Variants in BRI3BP observed in about 807,000 individuals in gnomAD.
BRI3BP encodes BRI3-binding protein.
Under a neutral mutation model 15.8 loss-of-function variants are expected in BRI3BP, and 7 were observed. The ratio of observed to expected loss-of-function variants is 0.44; its 90% CI spans 0.25 to 0.83. The LOEUF is 0.83. Among genes scored for constraint, BRI3BP ranks in the 40% least tolerant of loss-of-function variants. The pLI is 0.20. For missense variants in BRI3BP, 320 were observed against 339.3 expected, an observed-to-expected ratio of 0.94 and a Z score of 0.45; for synonymous variants, 192 against 163.5, an observed-to-expected ratio of 1.17 and a Z score of -1.33.
chr12:125,025,618 T>C lies in BRI3BP; in HGVS notation c.*188T>C, dbSNP rs1374440676. ...CATTCCCAGAAGAGCGGAAAGATCA[T>C]TGACGTGGAACTACACACGAAGTGT... On this transcript the variant is annotated 3_prime_UTR_variant, in exon 3 of 3. Transcript: ENST00000341446. 3.3e-6 allele frequency: 2 copies of C among 602,978 alleles called. No individual in the cohort carries two copies. 37.4% of individuals were successfully genotyped at this position (602,978 alleles called of 1,614,324 possible).
chr12:125,016,150 G>C (rs887967777), intron 2 of BRI3BP, among the ~76,000 whole-genome samples: 10 of 152,182 alleles, frequency 6.6e-5, no homozygotes, highest in Non-Finnish European at 1.3e-4. Flanking sequence ...GCGCGTTCTG[G>C]AGGCGAAACG....
chr12:125,034,693 A>C (rs1162031641), downstream of BRI3BP, among the ~76,000 whole-genome samples: 1 of 151,738 alleles, frequency 6.6e-6, no homozygotes, highest in East Asian at 2.0e-4. Flanking sequence ...AGTTTCAAGC[A>C]ATTCTCCTGC....
chr12:125,003,085 G>T (rs1250585461), intron 1 of BRI3BP, among the ~76,000 whole-genome samples: 1 of 152,216 alleles, frequency 6.6e-6, no homozygotes, highest in African/African-American at 2.4e-5. Flanking sequence ...TTCTTCAGAT[G>T]CTTGGGAAAC....
At chr12:125,038,224 C>T in the BRI3BP span, among the ~76,000 whole-genome samples, 24 of 150,216 alleles carry the variant, frequency 1.6e-4, no homozygotes, top group Admixed American at 1.3e-3. Context: ...TTGCAGTGAG[C>T]CAAGGTTGTG....
At chr12:125,049,229 A>G in the BRI3BP span, among the ~76,000 whole-genome samples, 1 of 152,150 alleles carries the variant, frequency 6.6e-6, no homozygotes, top group Non-Finnish European at 1.5e-5. Flanking sequence ...AAGAGAGCCC[A>G]GATTTAACTC....
chr12:124,993,656 A>AGCG lies in BRI3BP; in HGVS notation c.-123_-121dup, dbSNP rs1323528753. 12 of 352,018 alleles carry AGCG rather than the reference A, an allele frequency of 3.4e-5. No individual in the cohort carries two copies. The East Asian group carries it at 5.1e-4, about 15-fold the overall frequency. 21.8% of individuals were successfully genotyped at this position (352,018 alleles called of 1,614,324 possible). A position where few individuals can be genotyped will look rare whatever the true frequency, so the allele number is the denominator to read the frequency against. Reference sequence around the variant, plus strand: ...CGCGGGGCGGGGCAGGTGGCGCAGCAGCGGCGGCGGCGGCTGTGGGTAAAG... The same window carrying AGCG: ...CGCGGGGCGGGGCAGGTGGCGCAGCAGCGGCGGCGGCGGCGGCTGTGGGTAAAG... On this transcript the variant is annotated 5_prime_UTR_variant, in exon 1 of 3. Coordinates refer to ENST00000341446, the MANE Select transcript of BRI3BP (RefSeq NM_080626.6).
rs77464513 is a variant in BRI3BP, at chr12:125,017,591, C to T, written c.316+4955C>T. On this transcript the variant is annotated intron_variant, in intron 2 of 2. Transcript: ENST00000341446. ...GACAGTCTCTATTTGACACTTAGAG[C>T]GCACATCAGTTCTGACTTGTCACAT... Among the ~76,000 whole-genome samples, 134 of 152,256 alleles carry T rather than the reference C, an allele frequency of 8.8e-4. 1 individual carries two copies. The East Asian group carries it at 0.022, about 25-fold the overall frequency.
At chr12:124,996,484 C>T (rs1047625285) in intron 1 of BRI3BP, among the ~76,000 whole-genome samples, 2 of 151,642 alleles carry the variant, frequency 1.3e-5, no homozygotes, top group African/African-American at 2.4e-5. Context: ...CCACCACATC[C>T]GGCTAATTTT....
chr12:125,004,823 C>CT (rs1388457890), intron 1 of BRI3BP, among the ~76,000 whole-genome samples: 1 of 152,066 alleles, frequency 6.6e-6, no homozygotes, highest in Non-Finnish European at 1.5e-5. Flanking sequence ...TTTTGATGAC[C>CT]TTGACAGTTT....
chr12:125,014,762 C>T (rs1955228148), intron 2 of BRI3BP, among the ~76,000 whole-genome samples: 1 of 152,190 alleles, frequency 6.6e-6, no homozygotes, highest in Non-Finnish European at 1.5e-5. Flanking sequence ...GCACCTGGCA[C>T]AAAGAGGCCC....
intron 2 of BRI3BP, among the ~76,000 whole-genome samples, chr12:125,018,379 T>C (rs1254787828): frequency 1.3e-5 from 2 of 152,146 alleles, no homozygotes; most frequent in Non-Finnish European, 2.9e-5. Context: ...TGGGTGTCAT[T>C]TGTTAAGATG....
In BRI3BP at chr12:125,029,360, C is replaced by CAAAAAAAAAAAAAAAAAA. The variant is rs10572574; in HGVS notation, c.*3936_*3953dup. 2 of 78,688 alleles carry CAAAAAAAAAAAAAAAAAA rather than the reference C, an allele frequency of 2.5e-5. No homozygotes were observed. Among genetic ancestry groups the CAAAAAAAAAAAAAAAAAA allele is most frequent in the East Asian group, 3.8e-4 (1 of 2,656 alleles). The allele number at this position is 78,688 out of a possible 1,614,324, so 4.9% of individuals were successfully genotyped here. On this transcript the variant is annotated 3_prime_UTR_variant, in exon 3 of 3. Transcript: ENST00000341446. ...GAAATCCCGTCTCTACCAAAAAATA[C>CAAAAAAAAAAAAAAAAAA]AAAAAAAAAAAAAAAAAAAAAAATA...
At chr12:125,000,016 CTT>C (rs66571863) in intron 1 of BRI3BP, among the ~76,000 whole-genome samples, 37 of 40,704 alleles carry the variant, frequency 9.1e-4, no homozygotes, top group East Asian at 3.2e-3. Context: ...TTTGGTTTTT[CTT>C]TTTTTTTTTT....
At chr12:125,003,954 AAAACACACAC>A (rs1157832566) in intron 1 of BRI3BP, among the ~76,000 whole-genome samples, 3,098 of 95,086 alleles carry the variant, frequency 0.033, 119 homozygotes, top group East Asian at 0.18. Context: ...CTCCATCTCA[AAAACACACAC>A]ACACACACAC....
At chr12:125,006,741 C>G (rs1955147697) in intron 1 of BRI3BP, among the ~76,000 whole-genome samples, 1 of 152,216 alleles carries the variant, frequency 6.6e-6, no homozygotes, top group Admixed American at 6.5e-5. Flanking sequence ...GCAGAGAAAA[C>G]TGAGGCACAG....
intron 2 of BRI3BP, 81 bp from the exon 3 acceptor site, chr12:125,024,910 A>G: frequency 7.6e-7 from 1 of 1,309,198 alleles, no homozygotes; most frequent in Non-Finnish European, 1.1e-6. Flanking sequence ...CCCACAGGCC[A>G]GCTCAACTAT....
At chr12:125,008,149 A>G (rs754044383) in intron 1 of BRI3BP, among the ~76,000 whole-genome samples, 36 of 151,932 alleles carry the variant, frequency 2.4e-4, no homozygotes, top group Non-Finnish European at 4.7e-4. Context: ...TCTGAGAACC[A>G]CTGAGCTGGG....
At chr12:125,045,400 C>T in the BRI3BP span, among the ~76,000 whole-genome samples, 9 of 152,242 alleles carry the variant, frequency 5.9e-5, no homozygotes, top group South Asian at 4.2e-4. Context: ...TGCTGTAGCG[C>T]GATCCCGGCT....
the BRI3BP span, among the ~76,000 whole-genome samples, chr12:125,047,193 G>A: frequency 6.6e-6 from 1 of 151,546 alleles, no homozygotes; most frequent in Non-Finnish European, 1.5e-5. Flanking sequence ...CACCCAGCCT[G>A]GACTGACTGC....
Sources: allele counts gnomAD v4.1 joint callset (sites outside exome capture counted in the v4.1 genomes callset), GRCh38; gene constraint gnomAD v4.1.1; transcripts MANE v1.5; gene names NCBI Gene and HGNC (gene_info 2026-07-23, HGNC 2026-07-21).